The following SH3BP5 variants were observed in gnomAD, a reference collection of about 807,000 sequenced individuals.
The protein encoded by SH3BP5 is SH3 domain binding protein 5.
A neutral mutation model predicts 43.3 loss-of-function variants in SH3BP5; 22 were observed. The observed-to-expected ratio is 0.51, with a 90% CI of 0.36 to 0.73. The LOEUF is 0.73. SH3BP5 is among the 30% of genes least tolerant of loss of function. The pLI, the probability that SH3BP5 is intolerant of heterozygous loss-of-function variation, is 0.00. For missense variants in SH3BP5, 529 were observed against 586.9 expected, an observed-to-expected ratio of 0.90 and a Z score of 1.02; for synonymous variants, 255 against 225.8, an observed-to-expected ratio of 1.13 and a Z score of -1.16.
intron 3 of SH3BP5, chr3:15,273,410 A>G (rs1460117567): frequency 1.2e-5 from 12 of 985,264 alleles, no homozygotes; most frequent in African/African-American, 1.7e-5. Context: ...AGATCTCTAC[A>G]AAGGAAAAGA....
Position 15,269,857 on chromosome 3 carries a change from T to C in SH3BP5, c.351A>G (p.Lys117=). The C allele has an allele frequency of 6.4e-7, 1 of 1,560,138 alleles. No homozygotes were observed. Among genetic ancestry groups the C allele is most frequent in the Non-Finnish European group, 8.7e-7 (1 of 1,148,782 alleles). ...TGGCCCTCTGGAAGTCCTGCGTGGCTTTCTGAGCTTCCAGCTGAGCCTGTG... is the reference window on the plus strand; with the variant it reads ...TGGCCCTCTGGAAGTCCTGCGTGGCCTTCTGAGCTTCCAGCTGAGCCTGTG... ...VARQAQLEAQ[K]ATQDFQRATE... is the part of the protein sequence containing the mutation. Residue 117 remains lysine, a synonymous_variant, in exon 4 of 9, where the codon AAA becomes AAG. Coordinates refer to ENST00000383791, the MANE Select transcript of SH3BP5 (RefSeq NM_004844.5).
At chr3:15,323,143 TAA>T (rs1698376037) in intron 2 of SH3BP5, among the ~76,000 whole-genome samples, 1 of 150,980 alleles carries the variant, frequency 6.6e-6, no homozygotes, top group Non-Finnish European at 1.5e-5. Flanking sequence ...AATAAATAAA[TAA>T]ATAAATAAAT....
At chr3:15,329,384 T>A (rs926633474) in intron 2 of SH3BP5, among the ~76,000 whole-genome samples, 2 of 152,174 alleles carry the variant, frequency 1.3e-5, no homozygotes, top group Non-Finnish European at 2.9e-5. Flanking sequence ...ACTCAATTCA[T>A]AAGTGAAAGA....
At chr3:15,272,817 A>G (rs1575295521) in intron 3 of SH3BP5, among the ~76,000 whole-genome samples, 1 of 152,304 alleles carries the variant, frequency 6.6e-6, no homozygotes, top group East Asian at 1.9e-4. Context: ...TGGCCCAGGG[A>G]CCTGCCCCTG....
At chr3:15,332,712 A>T, upstream of SH3BP5, 2 of 1,063,070 alleles carry the variant, frequency 1.9e-6, no homozygotes, top group Non-Finnish European at 1.1e-6. Context: ...GCAAAACCCC[A>T]GCTCCCTCCA....
intron 2 of SH3BP5, among the ~76,000 whole-genome samples, chr3:15,305,973 C>T (rs1697891283): frequency 6.6e-6 from 1 of 151,850 alleles, no homozygotes; most frequent in Non-Finnish European, 1.5e-5. Context: ...GTGATTCAAA[C>T]CCCACATCCC....
intron 2 of SH3BP5, among the ~76,000 whole-genome samples, chr3:15,320,262 T>C (rs1003137408): frequency 7.2e-5 from 11 of 152,112 alleles, no homozygotes; most frequent in Admixed American, 6.5e-4. Flanking sequence ...GTCTCCCTGA[T>C]AGCAGTTTCT....
At chr3:15,299,815 G>GAC (rs1449186634) in intron 3 of SH3BP5, among the ~76,000 whole-genome samples, 29 of 111,148 alleles carry the variant, frequency 2.6e-4, no homozygotes, top group African/African-American at 1.5e-3. Flanking sequence ...CCAGTGGATA[G>GAC]ATAGACATGG....
At chr3:15,316,549 G>A (rs959968218) in intron 2 of SH3BP5, among the ~76,000 whole-genome samples, 10 of 151,916 alleles carry the variant, frequency 6.6e-5, no homozygotes, top group Non-Finnish European at 1.5e-4. Context: ...CATCTTTTTT[G>A]TTGATGTTAC....
intron 1 of SH3BP5, among the ~76,000 whole-genome samples, chr3:15,338,869 C>T (rs951469763): frequency 1.3e-5 from 2 of 152,114 alleles, no homozygotes; most frequent in African/African-American, 2.4e-5. Flanking sequence ...ACCTCAGAAC[C>T]CTATTGGCAG....
intron 3 of SH3BP5, among the ~76,000 whole-genome samples, chr3:15,274,556 C>T (rs539829331): frequency 7.4e-4 from 112 of 152,072 alleles, no homozygotes; most frequent in Admixed American, 1.2e-3. Context: ...TATAGTGGTG[C>T]GATCTTGGCT....
At chr3:15,333,632 C>A (rs1028048025), upstream of SH3BP5, among the ~76,000 whole-genome samples, 3 of 152,144 alleles carry the variant, frequency 2.0e-5, no homozygotes, top group Admixed American at 6.5e-5. Flanking sequence ...CAGCCAGACC[C>A]CTTCTCAAAT....
intron 1 of SH3BP5, among the ~76,000 whole-genome samples, chr3:15,338,376 G>A (rs529292386): frequency 5.3e-5 from 8 of 152,248 alleles, no homozygotes; most frequent in South Asian, 2.1e-4. Flanking sequence ...TAAATGCTTC[G>A]TAACTACCTG....
At chr3:15,259,963 G>A in intron 5 of SH3BP5, 160 bp from the exon 6 acceptor site, 1 of 669,918 alleles carries the variant, frequency 1.5e-6, no homozygotes, top group East Asian at 2.7e-5. Flanking sequence ...GATGCTCCTA[G>A]CTCTGGAGAC....
At chr3:15,299,151 C>T (rs951056668) in intron 3 of SH3BP5, among the ~76,000 whole-genome samples, 3 of 152,330 alleles carry the variant, frequency 2.0e-5, no homozygotes, top group South Asian at 2.1e-4. Flanking sequence ...TGCTTTTCAG[C>T]GTCATTGATT....
chr3:15,300,932 C>T (rs1020928764), intron 3 of SH3BP5, among the ~76,000 whole-genome samples: 7 of 152,208 alleles, frequency 4.6e-5, no homozygotes, highest in Admixed American at 1.3e-4. Context: ...CTGATTCGAC[C>T]GATGACTCAG....
intron 2 of SH3BP5, among the ~76,000 whole-genome samples, chr3:15,305,900 GA>G (rs199988533): frequency 6.7e-5 from 10 of 148,524 alleles, no homozygotes; most frequent in Middle Eastern, 3.4e-3. Flanking sequence ...TATAAGGAGA[GA>G]AAAAAAAAAT....
At chr3:15,258,763 G>A in intron 7 of SH3BP5, 68 bp downstream of exon 7, 7 of 1,403,300 alleles carry the variant, frequency 5.0e-6, no homozygotes, top group Non-Finnish European at 7.0e-6. Context: ...CAGAGAAAGT[G>A]AGGACCTTGG....
intron 2 of SH3BP5, among the ~76,000 whole-genome samples, chr3:15,308,842 A>G (rs1407443675): frequency 3.3e-5 from 5 of 152,170 alleles, no homozygotes; most frequent in Non-Finnish European, 5.9e-5. Context: ...ACCTAGTTCT[A>G]TGTGATGGGT....
Sources: gnomAD v4.1 joint callset for allele counts (sites outside exome capture counted in the v4.1 genomes callset) on GRCh38, gnomAD v4.1.1 for gene constraint, MANE v1.5 for transcripts, NCBI Gene and HGNC (gene_info 2026-07-23, HGNC 2026-07-21) for gene names.